Variants in FHIT observed in about 807,000 individuals in gnomAD.
FHIT encodes bis(5'-adenosyl)-triphosphatase.
A neutral mutation model predicts 17.9 loss-of-function variants in FHIT; 19 were observed. That is an observed-to-expected ratio of 1.06 (90% CI 0.74 to 1.56). FHIT has a LOEUF of 1.56. FHIT is among the 40% of genes most tolerant of loss of function. The probability of loss-of-function intolerance (pLI) is 0.00; values close to 1 mark genes in which losing one functional copy is unlikely to be tolerated. For synonymous variants in FHIT, 81 were observed against 69.7 expected, an observed-to-expected ratio of 1.16 and a Z score of -0.81; for missense variants, 248 against 189.2, an observed-to-expected ratio of 1.31 and a Z score of -1.82.
At chr3:60,592,268 C>CTCTATA in intron 4 of FHIT, among the ~76,000 whole-genome samples, 1 of 145,668 alleles carries the variant, frequency 6.9e-6, no homozygotes, top group South Asian at 2.1e-4. Flanking sequence ...TACTCTCTCT[C>CTCTATA]TATATATATA....
chr3:60,680,387 T>C (rs149102137), intron 4 of FHIT, among the ~76,000 whole-genome samples: 1 of 152,308 alleles, frequency 6.6e-6, no homozygotes, highest in Non-Finnish European at 1.5e-5. Flanking sequence ...TAGTTATTTT[T>C]CTATTGATTT....
chr3:60,337,405 T>C (rs1710296930), intron 5 of FHIT, among the ~76,000 whole-genome samples: 1 of 152,212 alleles, frequency 6.6e-6, no homozygotes, highest in South Asian at 2.1e-4. Context: ...TCCTCATCTC[T>C]AAAATTTAAA....
chr3:59,792,214 C>G (rs1699594783), intron 8 of FHIT, among the ~76,000 whole-genome samples: 1 of 152,130 alleles, frequency 6.6e-6, no homozygotes, highest in East Asian at 1.9e-4. Context: ...GGCCTCAGAA[C>G]AGGTATATTA....
chr3:60,951,731 G>C (rs1708893500), intron 3 of FHIT, among the ~76,000 whole-genome samples: 1 of 152,222 alleles, frequency 6.6e-6, no homozygotes, highest in South Asian at 2.1e-4. Flanking sequence ...ACTCTGGTGA[G>C]AGTATTTAAG....
chr3:59,892,262 C>A (rs17061377), intron 8 of FHIT, among the ~76,000 whole-genome samples: 12,150 of 152,256 alleles, frequency 0.08, 576 homozygotes, highest in South Asian at 0.12. Flanking sequence ...AGCAAACTGA[C>A]AAATTGCGCT....
intron 8 of FHIT, among the ~76,000 whole-genome samples, chr3:59,754,134 A>G (rs1189573050): frequency 6.6e-6 from 1 of 152,144 alleles, no homozygotes; most frequent in African/African-American, 2.4e-5. Context: ...ATTGCAGCTC[A>G]ACATTGATAC....
rs6773491 is a variant in FHIT at position 61,039,548 on chromosome 3, T to C, written c.-111+2499A>G. Among the ~76,000 whole-genome samples, 429 of 152,266 alleles carry C rather than the reference T, an allele frequency of 2.8e-3. 4 individuals are homozygous for C. Among genetic ancestry groups the C allele is most frequent in the African/African-American group, 9.5e-3 (396 of 41,554 alleles). ...ATAAAAAAGGATGACTTCATGTCCT[T>C]TGCAGGGACATGGATGAAGCTGGAA... is the stretch of plus-strand genomic sequence containing the variant. On this transcript the variant is annotated intron_variant, in intron 3 of 9. Transcript: ENST00000492590.
intron 5 of FHIT, among the ~76,000 whole-genome samples, chr3:60,377,733 G>T (rs1295832623): frequency 1.4e-5 from 2 of 144,042 alleles, no homozygotes; most frequent in African/African-American, 5.1e-5. Context: ...CACCCGCCTC[G>T]GCCTCCCAAA....
In FHIT at chr3:59,748,878, A is replaced by C. The variant is rs1161710358; in HGVS notation, c.*707T>G. Among the ~76,000 whole-genome samples, 1 of 152,156 alleles carries C rather than the reference A, an allele frequency of 6.6e-6. No individual in the cohort carries two copies. The highest frequency in any genetic ancestry group is 2.4e-5 in the African/African-American group (1 of 41,454). Reference sequence around the variant, plus strand: ...GTCTACATCTTATAAATTCTTAGCAAGTGTGTTGGCTAGTGTTATCAATTC... The same window carrying C: ...GTCTACATCTTATAAATTCTTAGCACGTGTGTTGGCTAGTGTTATCAATTC... On this transcript the variant is annotated 3_prime_UTR_variant, in exon 10 of 10. Coordinates refer to ENST00000492590, the MANE Select transcript of FHIT (RefSeq NM_002012.4).
chr3:59,755,727 A>G (rs1701180244), intron 8 of FHIT, among the ~76,000 whole-genome samples: 1 of 152,152 alleles, frequency 6.6e-6, no homozygotes, highest in Non-Finnish European at 1.5e-5. Context: ...TACACACCAA[A>G]CGGCTGATTC....
At chr3:60,840,206 A>T (rs1553744745) in intron 3 of FHIT, among the ~76,000 whole-genome samples, 6 of 152,216 alleles carry the variant, frequency 3.9e-5, no homozygotes, top group Non-Finnish European at 8.8e-5. Context: ...AAGGAGCCAA[A>T]AATCCTCACC....
intron 8 of FHIT, among the ~76,000 whole-genome samples, chr3:59,849,522 GGCCTCCAACCCACAAATATATACA>G (rs1267195763): frequency 1.3e-5 from 2 of 152,010 alleles, no homozygotes; most frequent in South Asian, 2.1e-4. Context: ...AACTACCCTA[GGCCTCCAACCCACAAATATATACA>G]GCCTCCAACC....
At chr3:59,996,905 T>C (rs1699536142) in intron 7 of FHIT, among the ~76,000 whole-genome samples, 1 of 152,052 alleles carries the variant, frequency 6.6e-6, no homozygotes, top group Non-Finnish European at 1.5e-5. Context: ...CTCTTCAAAA[T>C]ATGAAAAAGA....
At chr3:59,981,641 G>A (rs947361756) in intron 7 of FHIT, among the ~76,000 whole-genome samples, 1 of 152,088 alleles carries the variant, frequency 6.6e-6, no homozygotes, top group Non-Finnish European at 1.5e-5. Context: ...ATACCACGGT[G>A]CCCGCACATT....
chr3:60,980,733 G>C (rs1358507837), intron 3 of FHIT, among the ~76,000 whole-genome samples: 1 of 152,140 alleles, frequency 6.6e-6, no homozygotes, highest in Non-Finnish European at 1.5e-5. Flanking sequence ...ATCTAAATGT[G>C]TGTGCCTCAA....
chr3:60,217,795 C>T (rs146571941), intron 5 of FHIT, among the ~76,000 whole-genome samples: 252 of 152,256 alleles, frequency 1.7e-3, no homozygotes, highest in Non-Finnish European at 3.0e-3. Context: ...TCCCTCCTGC[C>T]CATGGTTCAG....
chr3:60,690,581 C>G (rs577955912), intron 4 of FHIT: 29 of 542,156 alleles, frequency 5.3e-5, no homozygotes, highest in South Asian at 3.9e-4. Context: ...CCCTCATAAT[C>G]AAATCCTTTT....
At chr3:60,797,359 T>C (rs1553730707) in intron 4 of FHIT, among the ~76,000 whole-genome samples, 1 of 152,036 alleles carries the variant, frequency 6.6e-6, no homozygotes, top group Non-Finnish European at 1.5e-5. Flanking sequence ...GTACACTGCT[T>C]TTGTGGTAGG....
intron 5 of FHIT, among the ~76,000 whole-genome samples, chr3:60,078,779 C>G (rs1340961053): frequency 6.6e-6 from 1 of 151,894 alleles, no homozygotes; most frequent in Non-Finnish European, 1.5e-5. Context: ...ACACATATAA[C>G]ATATATGGTA....
Sources: gnomAD v4.1 joint callset for allele counts (sites outside exome capture counted in the v4.1 genomes callset) on GRCh38, gnomAD v4.1.1 for gene constraint, MANE v1.5 for transcripts, NCBI Gene and HGNC (gene_info 2026-07-23, HGNC 2026-07-21) for gene names.